TTI2: variants seen among roughly 807,000 people sequenced by gnomAD.
The protein encoded by TTI2 is TELO2 interacting protein 2, also known as TELO2-interacting protein 2.
In TTI2, 26 loss-of-function variants were observed where a neutral mutation model predicts 44.9. The observed-to-expected ratio is 0.58, with a 90% CI of 0.42 to 0.80. The LOEUF is 0.80. Ranked by LOEUF, TTI2 falls within the 30% of genes least tolerant of loss-of-function variation. TTI2 has a pLI of 0.00. For missense variants in TTI2, 582 were observed against 611.6 expected, an observed-to-expected ratio of 0.95 and a Z score of 0.51; for synonymous variants, 254 against 250.9, an observed-to-expected ratio of 1.01 and a Z score of -0.12.
chr8:33,507,558 C>T (rs1809345573), intron 3 of TTI2, among the ~76,000 whole-genome samples: 1 of 152,142 alleles, frequency 6.6e-6, no homozygotes, highest in Non-Finnish European at 1.5e-5. Context: ...GTATGCTTTC[C>T]ATACCAGGGT....
rs138108276 is a variant in TTI2 at position 33,503,800 on chromosome 8, G to A, written c.1063C>T (p.Arg355Cys). 7,411 of 1,614,010 alleles carry A rather than the reference G, an allele frequency of 4.6e-3. 19 individuals carry two copies. Among genetic ancestry groups the A allele is most frequent in the Non-Finnish European group, 5.5e-3 (6,440 of 1,180,002 alleles). Residue 355 changes from arginine to cysteine, a missense_variant, in exon 5 of 8, where the codon CGC becomes TGC. Physicochemically the swap from Arg to Cys is radical, Grantham distance 180. Transcript: ENST00000431156. The part of the protein sequence containing the change: ...LILTHMEPEH[R>C]LLLRRTYARN... The stretch of plus-strand genomic sequence containing the variant: ...GCGTAGGTCCTGCGTAAAAGAAGGC[G>A]GTGCTCTGGCTCCATGTGGGTCAGG...
Position 33,512,010 on chromosome 8 carries a change from T to G in TTI2, c.604A>C (p.Arg202=). The G allele has an allele frequency of 6.2e-7, 1 of 1,614,122 alleles. No individual in the cohort carries two copies. The highest frequency in any genetic ancestry group is 8.5e-7 in the Non-Finnish European group (1 of 1,180,024). Reference sequence around the variant, plus strand: ...AGAAGCCCTAGTATCACCGAAAGTCTCCCTTTCTCATCTTCATTTTCTCCA... The same window carrying G: ...AGAAGCCCTAGTATCACCGAAAGTCGCCCTTTCTCATCTTCATTTTCTCCA... ...LHGENEDEKG[R]LSVILGLLKP... Residue 202 remains arginine, a synonymous_variant, in exon 2 of 8, where the codon AGA becomes CGA. Transcript: ENST00000431156.
chr8:33,510,118 C>T (rs1809474136), intron 2 of TTI2, among the ~76,000 whole-genome samples, 186 bp from the exon 3 acceptor site: 1 of 151,628 alleles, frequency 6.6e-6, no homozygotes, highest in South Asian at 2.1e-4. Flanking sequence ...ACTTCCATAA[C>T]TTACACCAAA....
intron 2 of TTI2, among the ~76,000 whole-genome samples, chr8:33,510,399 T>C (rs971754308): frequency 1.3e-4 from 20 of 152,206 alleles, no homozygotes; most frequent in Non-Finnish European, 2.8e-4. Flanking sequence ...TATTTTGAAA[T>C]AGAGTCTCAC....
chr8:33,509,473 A>AG (rs1184740705), intron 3 of TTI2, among the ~76,000 whole-genome samples: 2 of 133,976 alleles, frequency 1.5e-5, no homozygotes, highest in South Asian at 2.3e-4. Context: ...AAAAAAAAAA[A>AG]AAAGAAAGAA....
intron 6 of TTI2, chr8:33,501,234 A>G (rs377764086): frequency 6.6e-5 from 10 of 152,236 alleles, no homozygotes; most frequent in African/African-American, 2.4e-4. Context: ...ACAATGTGAA[A>G]TGTACAATAA....
intron 6 of TTI2, among the ~76,000 whole-genome samples, chr8:33,502,233 C>A (rs559545755): frequency 9.9e-5 from 15 of 152,086 alleles, no homozygotes; most frequent in Non-Finnish European, 1.9e-4. Context: ...CGTGAGCCAC[C>A]GCACCTGGCC....
intron 3 of TTI2, among the ~76,000 whole-genome samples, chr8:33,508,147 A>G (rs1585330389): frequency 6.7e-6 from 1 of 149,748 alleles, no homozygotes; most frequent in East Asian, 2.0e-4. Context: ...TCTTAGTCTA[A>G]AAAGTATAAA....
At position 33,508,867 on chromosome 8, in the gene TTI2, C is replaced by T. The variant is rs534810413; in HGVS notation, c.834+879G>A. The stretch of plus-strand genomic sequence containing the variant: ...CCTTGAAACTCAACTGTAGGCCGGG[C>T]GGGGTGGCTCATCTCTATAATCCCA... On this transcript the variant is annotated intron_variant, in intron 3 of 7. Transcript: ENST00000431156. Among the ~76,000 whole-genome samples, 15 of 152,018 alleles carry T rather than the reference C, an allele frequency of 9.9e-5. No individual in the cohort carries two copies. In the South Asian group the frequency reaches 1.9e-3, roughly 19 times the overall value.
At chr8:33,506,818 GAGT>G (rs1191068631) in intron 4 of TTI2, among the ~76,000 whole-genome samples, 2 of 151,842 alleles carry the variant, frequency 1.3e-5, no homozygotes, top group Non-Finnish European at 2.9e-5. Context: ...TCAGCCTCCT[GAGT>G]AGTAGGGACT....
chr8:33,512,451 G>T lies in TTI2; in HGVS notation c.163C>A (p.Leu55Ile). 6.2e-7 allele frequency: 1 copy of T among 1,614,086 alleles called. No homozygotes were observed. Residue 55 changes from leucine (L) to isoleucine (I), a missense_variant, in exon 2 of 8, where the codon CTC (leucine) becomes ATC (isoleucine). Physicochemically the swap from Leu to Ile is conservative, Grantham distance 5. Transcript: ENST00000431156. The part of the protein sequence containing the change: ...GNVKDAVLKD[L>I]GDLIEATEFD... ...TCTGTGGCTTCTATTAGATCACCGA[G>T]GTCTTTAAGAACTGCATCTTTTACA...
intron 2 of TTI2, 85 bp downstream of exon 2, chr8:33,511,880 ACT>A (rs770220372): frequency 3.7e-5 from 54 of 1,455,590 alleles, no homozygotes; most frequent in Non-Finnish European, 4.3e-5. Context: ...CAAGAGTGAA[ACT>A]CTGTCTCGAA....
intron 7 of TTI2, chr8:33,499,587 A>G (rs548870345): frequency 1.1e-4 from 29 of 274,562 alleles, no homozygotes; most frequent in Middle Eastern, 1.3e-3. Context: ...ACTGCCCAAG[A>G]TTAAAGAGCT....
rs201343481 is a variant in TTI2 at position 33,512,639 on chromosome 8, G to A, written c.-26C>T. On this transcript the variant is annotated 5_prime_UTR_variant, in exon 2 of 8. Coordinates refer to ENST00000431156, the MANE Select transcript of TTI2 (RefSeq NM_001102401.4). The stretch of plus-strand genomic sequence containing the variant: ...TCCTGACTGCAGCACCAGAAGGCTG[G>A]TCTCTCCCACAGAACGAGGATGGAG... The A allele has an allele frequency of 6.2e-7, 1 of 1,609,876 alleles. No homozygotes were observed. Among genetic ancestry groups the A allele is most frequent in the Non-Finnish European group, 8.5e-7 (1 of 1,179,880 alleles).
chr8:33,499,069 CTTA>C lies in TTI2; in HGVS notation c.*101_*103del, dbSNP rs1808959624. 8.1e-6 allele frequency: 8 copies of C among 985,642 alleles called. No individual in the cohort carries two copies. Among genetic ancestry groups the C allele is most frequent in the Non-Finnish European group, 1.3e-5 (8 of 632,968 alleles). 61.1% of individuals were successfully genotyped at this position (985,642 alleles called of 1,614,324 possible). A position where few individuals can be genotyped will look rare whatever the true frequency, so the allele number is the denominator to read the frequency against. On this transcript the variant is annotated 3_prime_UTR_variant, in exon 8 of 8. Transcript: ENST00000431156. ...GGAAGGAAGGAAAAAGCAGCTTTCACTTACAAAGTTTCGTGTAAAAATATCTTT... is the reference window on the plus strand; with the variant it reads ...GGAAGGAAGGAAAAAGCAGCTTTCACCAAAGTTTCGTGTAAAAATATCTTT...
At position 33,509,856 on chromosome 8, in the gene TTI2, T is replaced by C. The variant is rs1175401652; in HGVS notation, c.724A>G (p.Ser242Gly). 1 of 1,613,854 alleles carries C rather than the reference T, an allele frequency of 6.2e-7. No homozygotes were observed. Among genetic ancestry groups the C allele is most frequent in the African/African-American group, 1.3e-5 (1 of 74,854 alleles). Residue 242 changes from serine to glycine, a missense_variant, in exon 3 of 8, where the codon AGC becomes GGC. Ser to Gly is a moderately conservative substitution (Grantham distance 56, BLOSUM62 0). Transcript: ENST00000431156. ...GGAAGTACCCTTTCCAGATGCTGGC[T>C]CAGCCAGGGCCGAGTGACCTGTTGC... ...TLQQVTRPWL[S>G]QHLERVLPAS...
At chr8:33,499,495 A>C in intron 7 of TTI2, 1 of 465,266 alleles carries the variant, frequency 2.1e-6, no homozygotes, top group Non-Finnish European at 3.9e-6. Context: ...AAACTGTGTT[A>C]ATGTACTTGC....
At chr8:33,501,432 C>T (rs1172310871) in intron 6 of TTI2, among the ~76,000 whole-genome samples, 1 of 152,186 alleles carries the variant, frequency 6.6e-6, no homozygotes, top group Non-Finnish European at 1.5e-5. Flanking sequence ...TACCTCCCTA[C>T]ATTTATTCAC....
chr8:33,508,646 G>C (rs183064143), intron 3 of TTI2, among the ~76,000 whole-genome samples: 12 of 149,778 alleles, frequency 8.0e-5, no homozygotes, highest in East Asian at 3.9e-4. Flanking sequence ...AAAAGGGCAG[G>C]GGGGCAGGGT....
Sources: allele counts gnomAD v4.1 joint callset (sites outside exome capture counted in the v4.1 genomes callset), GRCh38; gene constraint gnomAD v4.1.1; transcripts MANE v1.5; gene names NCBI Gene and HGNC (gene_info 2026-07-23, HGNC 2026-07-21).